LILRA1: variants seen among roughly 807,000 people sequenced by gnomAD.
The protein encoded by LILRA1 is leukocyte immunoglobulin like receptor A1, also known as leukocyte immunoglobulin-like receptor subfamily A member 1.
LILRA1 carries 51 observed loss-of-function variants against 51.6 expected under a neutral mutation model. The ratio of observed to expected loss-of-function variants is 0.99; its 90% CI spans 0.79 to 1.25. The LOEUF (loss-of-function observed/expected upper bound fraction) is 1.25. Ranked by LOEUF, LILRA1 falls within the 50% of genes most tolerant of loss-of-function variation. The pLI is 0.00. For missense variants in LILRA1, 660 were observed against 611.7 expected (o/e 1.08, Z -0.83); for synonymous variants, 305 against 248.4 (o/e 1.23, Z -2.14).
At chr19:54,600,463 C>A in intron 8 of LILRA1, 49 bp from the exon 9 acceptor site, 1 of 1,597,672 alleles carries the variant, frequency 6.3e-7, no homozygotes, top group Admixed American at 1.7e-5. Context: ...AATGCAGAGC[C>A]CAGGGGAGAG....
In LILRA1 at chr19:54,599,281, A is replaced by C; in HGVS notation, c.1307A>C (p.Lys436Thr). 6.4e-7 allele frequency: 1 copy of C among 1,567,466 alleles called. No homozygotes were observed. Among genetic ancestry groups the C allele is most frequent in the African/African-American group, 1.4e-5 (1 of 73,656 alleles). Reference sequence around the variant, plus strand: ...CCACCACAAAACAAGTCCGATTCCAAGGCTGGTGAGTGAGGAGATGCTTGC... The same window carrying C: ...CCACCACAAAACAAGTCCGATTCCACGGCTGGTGAGTGAGGAGATGCTTGC... Reference protein sequence around the residue: ...LSPPQNKSDSKAGAANTLSPS... With the variant: ...LSPPQNKSDSTAGAANTLSPS... Residue 436 changes from lysine (K) to threonine (T), a missense_variant, in exon 8 of 10, where the codon AAG (lysine) becomes ACG (threonine). Transcript: ENST00000251372.
Position 54,595,148 on chromosome 19 carries a change from C to T in LILRA1, c.407C>T (p.Thr136Ile), listed in dbSNP as rs374535942. The T allele has an allele frequency of 1.2e-6, 2 of 1,614,116 alleles. No homozygotes were observed. Among genetic ancestry groups the T allele is most frequent in the Non-Finnish European group, 1.7e-6 (2 of 1,179,994 alleles). The change falls in exon 5 of 10, where the codon ACC (threonine) becomes ATC (isoleucine). Residue 136 changes from threonine (T) to isoleucine (I), a missense_variant. Coordinates refer to ENST00000251372, the MANE Select transcript of LILRA1 (RefSeq NM_006863.4). The part of the protein sequence containing the change: ...TLSALPSPVV[T>I]SGGNVTLHCV... ...TCAGCTCTACCCAGCCCTGTGGTGA[C>T]CTCAGGAGGGAACGTGACCCTCCAT...
In LILRA1 at chr19:54,594,896, G is replaced by A; in HGVS notation, c.302G>A (p.Gly101Asp). 1 of 1,613,720 alleles carries A rather than the reference G, an allele frequency of 6.2e-7. No individual in the cohort carries two copies. The highest frequency in any genetic ancestry group is 8.5e-7 in the Non-Finnish European group (1 of 1,179,958). ...ACAGGGCGGTATCGCTGTTTCTACG[G>A]TAGCCACACTGCAGGCTGGTCAGAG... is the stretch of plus-strand genomic sequence containing the variant. ...EHTGRYRCFYGSHTAGWSEPS... is the reference protein window; with the variant it reads ...EHTGRYRCFYDSHTAGWSEPS... Residue 101 changes from glycine to aspartate, a missense_variant, in exon 4 of 10, where the codon GGT becomes GAT. By Grantham distance (94) the Gly-to-Asp change is moderately conservative. Transcript: ENST00000251372.
Position 54,595,881 on chromosome 19 carries a change from A to C in LILRA1, c.904A>C (p.Asn302His), listed in dbSNP as rs1223832053. ...CCAGTACAGATGCTCCGGTGCATAC[A>C]ACCTCTCCTCCGAGTGGTCGGCCCC... ...GGQYRCSGAY[N>H]LSSEWSAPSD... Residue 302 changes from asparagine to histidine, a missense_variant, in exon 6 of 10, where the codon AAC becomes CAC. By Grantham distance (68) the Asn-to-His change is moderately conservative. Transcript: ENST00000251372. 1 of 1,613,842 alleles carries C rather than the reference A, an allele frequency of 6.2e-7. No homozygotes were observed.
In LILRA1 at chr19:54,595,255, C is replaced by T. The variant is rs1374862583; in HGVS notation, c.514C>T (p.Pro172Ser). Residue 172 changes from proline to serine, a missense_variant, in exon 5 of 10, where the codon CCC (proline) becomes TCC (serine). Physicochemically the swap from Pro to Ser is moderately conservative, Grantham distance 74 (BLOSUM62 -1). Coordinates refer to ENST00000251372, the MANE Select transcript of LILRA1 (RefSeq NM_006863.4). The stretch of plus-strand genomic sequence containing the variant: ...ACACCCACAATGCCTGAACTCACAG[C>T]CCCGTACCCATGGGTGGTCCCGGGC... Reference protein sequence around the residue: ...DEHPQCLNSQPRTHGWSRAIF... With the variant: ...DEHPQCLNSQSRTHGWSRAIF... 6.2e-7 allele frequency: 1 copy of T among 1,614,034 alleles called. No individual in the cohort carries two copies.
chr19:54,597,567 G>C (rs758783962), intron 7 of LILRA1, among the ~76,000 whole-genome samples: 1 of 152,100 alleles, frequency 6.6e-6, no homozygotes, highest in Non-Finnish European at 1.5e-5. Flanking sequence ...GGGAGAACAG[G>C]TCGGGTCAGC....
chr19:54,596,118 G>T (rs1429909757), intron 6 of LILRA1, 71 bp from the exon 7 acceptor site: 17 of 1,562,602 alleles, frequency 1.1e-5, no homozygotes, highest in Non-Finnish European at 1.4e-5. Context: ...GAGGGTCCCA[G>T]ATAGAAGCCT....
intron 7 of LILRA1, among the ~76,000 whole-genome samples, 181 bp from the exon 8 acceptor site, chr19:54,599,055 A>G (rs1235158956): frequency 6.6e-6 from 1 of 152,128 alleles, no homozygotes; most frequent in African/African-American, 2.4e-5. Context: ...CAGCCTCCCA[A>G]AATGCTGGGA....
rs1188797513 is a variant in LILRA1, at chr19:54,595,962, G to A, written c.958+27G>A. The A allele has an allele frequency of 8.7e-6, 14 of 1,610,706 alleles. No individual in the cohort carries two copies. In the East Asian group the frequency reaches 2.9e-4, roughly 33 times the overall value. The stretch of plus-strand genomic sequence containing the variant: ...TGAGGAGCCCAGCGGGTTCAGTCAG[G>A]GACACAGGCTCCGCACAGGCCCTGC... On this transcript the variant is annotated intron_variant, in intron 6 of 9. Coordinates refer to ENST00000251372, the MANE Select transcript of LILRA1 (RefSeq NM_006863.4).
intron 7 of LILRA1, among the ~76,000 whole-genome samples, chr19:54,597,207 A>G (rs761862467): frequency 2.0e-5 from 3 of 152,044 alleles, no homozygotes; most frequent in Non-Finnish European, 4.4e-5. Flanking sequence ...ACTCATCTCA[A>G]TGCTACCTCT....
chr19:54,600,479 C>G (rs113336070), intron 8 of LILRA1, 33 bp from the exon 9 acceptor site: 1 of 1,612,736 alleles, frequency 6.2e-7, no homozygotes, highest in Non-Finnish European at 8.5e-7. Flanking sequence ...GAGAGGCTGG[C>G]TCAGGGCTCT....
rs183166262 is a variant in LILRA1, at chr19:54,596,913, G to A, written c.1261+422G>A. ...AGTGGAGTGAAGGGGGAAGGTCTGC[G>A]GGGGAGGGTCGAGCCCATGGGAGGG... On this transcript the variant is annotated intron_variant, in intron 7 of 9. Coordinates refer to ENST00000251372, the MANE Select transcript of LILRA1 (RefSeq NM_006863.4). Among the ~76,000 whole-genome samples the A allele has an allele frequency of 5.4e-3, 811 of 151,128 alleles. 8 individuals carry two copies. Among genetic ancestry groups the A allele is most frequent in the African/African-American group, 0.019 (773 of 41,146 alleles).
In LILRA1 at chr19:54,596,459, A is replaced by T. The variant is rs1294775378; in HGVS notation, c.1229A>T (p.His410Leu). 2 of 1,613,714 alleles carry T rather than the reference A, an allele frequency of 1.2e-6. No individual in the cohort carries two copies. ...SLSSNPYLLS[H>L]PSDSLELMVS... The stretch of plus-strand genomic sequence containing the variant: ...AGCTCCAACCCCTACCTGCTGTCTC[A>T]CCCCAGTGACTCCCTGGAGCTCATG... The change falls in exon 7 of 10, where the codon CAC becomes CTC. Residue 410 changes from histidine to leucine, a missense_variant. Coordinates refer to ENST00000251372, the MANE Select transcript of LILRA1 (RefSeq NM_006863.4).
rs779466142 is a variant in LILRA1 at position 54,595,152 on chromosome 19, A to G, written c.411A>G (p.Ser137=). The change falls in exon 5 of 10, where the codon TCA becomes TCG. Residue 137 remains serine (S), a synonymous_variant. Coordinates refer to ENST00000251372, the MANE Select transcript of LILRA1 (RefSeq NM_006863.4). ...CTCTACCCAGCCCTGTGGTGACCTCAGGAGGGAACGTGACCCTCCATTGTG... is the reference window on the plus strand; with the variant it reads ...CTCTACCCAGCCCTGTGGTGACCTCGGGAGGGAACGTGACCCTCCATTGTG... ...LSALPSPVVT[S]GGNVTLHCVS... 3 of 1,614,124 alleles carry G rather than the reference A, an allele frequency of 1.9e-6. No individual in the cohort carries two copies. Among genetic ancestry groups the G allele is most frequent in the Non-Finnish European group, 2.5e-6 (3 of 1,180,008 alleles).
Position 54,601,063 on chromosome 19 carries a change from G to T in LILRA1, c.*246G>T. 3.5e-6 allele frequency: 2 copies of T among 572,534 alleles called. No homozygotes were observed. Among genetic ancestry groups the T allele is most frequent in the South Asian group, 2.1e-5 (1 of 48,744 alleles). The allele number at this position is 572,534 out of a possible 1,614,324, so 35.5% of individuals were successfully genotyped here. ...CTCTCTATTAATGTTGACTTCCCTT[G>T]GTTGGATCCTCTTCTTTCCCCACCC... On this transcript the variant is annotated 3_prime_UTR_variant, in exon 10 of 10. Coordinates refer to ENST00000251372, the MANE Select transcript of LILRA1 (RefSeq NM_006863.4).
At position 54,596,256 on chromosome 19, in the gene LILRA1, G is replaced by C. The variant is rs776711906; in HGVS notation, c.1026G>C (p.Val342=). Residue 342 remains valine (V), a synonymous_variant, in exon 7 of 10, where the codon GTG becomes GTC. Transcript: ENST00000251372. ...CCACGGTGGCCTCAGGAGAGAACGT[G>C]ACCCTGCTGTGTCAGTCATGGGGGC... ...PGPTVASGEN[V]TLLCQSWGPF... The C allele has an allele frequency of 1.9e-6, 3 of 1,614,136 alleles. No homozygotes were observed. Among genetic ancestry groups the C allele is most frequent in the Admixed American group, 3.3e-5 (2 of 60,026 alleles).
At chr19:54,599,528 C>T (rs1327217980) in intron 8 of LILRA1, 1 of 1,191,038 alleles carries the variant, frequency 8.4e-7, no homozygotes, top group South Asian at 1.6e-5. Context: ...CATGCTAACT[C>T]ACTACTAAAT....
chr19:54,596,976 C>T (rs2063072219), intron 7 of LILRA1, among the ~76,000 whole-genome samples: 1 of 152,050 alleles, frequency 6.6e-6, no homozygotes, highest in East Asian at 1.9e-4. Context: ...GGCTCCCACC[C>T]TTGTAGTCTC....
At chr19:54,594,319 G>GA in intron 2 of LILRA1, 41 bp downstream of exon 2, 1 of 1,613,280 alleles carries the variant, frequency 6.2e-7, no homozygotes, top group East Asian at 2.2e-5. Flanking sequence ...ACCTAGGAGG[G>GA]ACCTCACCCC....
Sources: allele counts gnomAD v4.1 joint callset (sites outside exome capture counted in the v4.1 genomes callset), GRCh38; gene constraint gnomAD v4.1.1; transcripts MANE v1.5; gene names NCBI Gene and HGNC (gene_info 2026-07-23, HGNC 2026-07-21).